ABLIM3: variants seen among roughly 807,000 people sequenced by gnomAD.
ABLIM3 encodes actin binding LIM protein family member 3.
Under a neutral mutation model 109.5 loss-of-function variants are expected in ABLIM3, and 61 were observed. The ratio of observed to expected loss-of-function variants is 0.56; its 90% CI spans 0.45 to 0.69. The LOEUF (loss-of-function observed/expected upper bound fraction) is 0.69. Ranked by LOEUF, ABLIM3 falls within the 30% of genes least tolerant of loss-of-function variation. ABLIM3 has a pLI of 0.00. For synonymous variants in ABLIM3, 300 were observed against 324.8 expected, an observed-to-expected ratio of 0.92 and a Z score of 0.82; for missense variants, 796 against 889.5, an observed-to-expected ratio of 0.89 and a Z score of 1.34.
rs2127561789 is a variant in ABLIM3 at position 149,242,552 on chromosome 5, T to C, written c.1351+14T>C. 1 of 1,613,754 alleles carries C rather than the reference T, an allele frequency of 6.2e-7. No individual in the cohort carries two copies. Among genetic ancestry groups the C allele is most frequent in the South Asian group, 1.1e-5 (1 of 91,068 alleles). Reference sequence around the variant, plus strand: ...ACAAACGGCATGGTATGGTCAGAGGTAGATAGGGCTTGGCCACACAAGGAG... The same window carrying C: ...ACAAACGGCATGGTATGGTCAGAGGCAGATAGGGCTTGGCCACACAAGGAG... On this transcript the variant is annotated intron_variant, in intron 15 of 23. Transcript: ENST00000309868.
intron 7 of ABLIM3, 118 bp downstream of exon 7, chr5:149,210,937 C>T (rs1759487701): frequency 1.1e-6 from 1 of 910,410 alleles, no homozygotes; most frequent in Admixed American, 1.8e-5. Context: ...TTACCTCCTC[C>T]ACCTTTGCTT....
intron 2 of ABLIM3, among the ~76,000 whole-genome samples, chr5:149,167,057 C>G (rs942142320): frequency 6.6e-6 from 1 of 152,180 alleles, no homozygotes; most frequent in African/African-American, 2.4e-5. Flanking sequence ...AAGCAACTTG[C>G]TCTGATTCCT....
chr5:149,233,750 C>T (rs182852958), intron 10 of ABLIM3, among the ~76,000 whole-genome samples: 1 of 152,160 alleles, frequency 6.6e-6, no homozygotes, highest in South Asian at 2.1e-4. Context: ...GCCACATACA[C>T]ATGTGGAAAC....
chr5:149,155,563 G>T (rs535004574), intron 2 of ABLIM3, among the ~76,000 whole-genome samples: 52 of 152,234 alleles, frequency 3.4e-4, no homozygotes, highest in African/African-American at 1.2e-3. Flanking sequence ...CATTCAATCT[G>T]GTCCTTGGGG....
At chr5:149,239,343 C>T in intron 12 of ABLIM3, 66 bp downstream of exon 12, 3 of 1,544,322 alleles carry the variant, frequency 1.9e-6, no homozygotes, top group Non-Finnish European at 1.8e-6. Flanking sequence ...CTTCACCCAT[C>T]CCCAGCCCCC....
intron 7 of ABLIM3, among the ~76,000 whole-genome samples, chr5:149,213,492 A>C (rs1212823859): frequency 6.6e-6 from 1 of 152,222 alleles, no homozygotes; most frequent in Non-Finnish European, 1.5e-5. Context: ...CACCTTCAGA[A>C]GAGTCGTTTG....
intron 8 of ABLIM3, among the ~76,000 whole-genome samples, chr5:149,225,395 A>T (rs969617484): frequency 6.6e-6 from 1 of 152,164 alleles, no homozygotes; most frequent in African/African-American, 2.4e-5. Context: ...GCTCTTACAG[A>T]TGGAACCATA....
At chr5:149,222,930 C>T (rs567862478) in intron 8 of ABLIM3, among the ~76,000 whole-genome samples, 3 of 152,288 alleles carry the variant, frequency 2.0e-5, no homozygotes, top group Non-Finnish European at 2.9e-5. Flanking sequence ...AATTGGATCT[C>T]TCTACTGACA....
At chr5:149,152,499 T>G (rs1026300971) in intron 2 of ABLIM3, among the ~76,000 whole-genome samples, 2 of 152,164 alleles carry the variant, frequency 1.3e-5, no homozygotes, top group African/African-American at 4.8e-5. Flanking sequence ...TGATGTCATA[T>G]CCTGTTGGAT....
chr5:149,205,886 C>T (rs922399312), intron 5 of ABLIM3, among the ~76,000 whole-genome samples: 5 of 152,176 alleles, frequency 3.3e-5, no homozygotes, highest in African/African-American at 1.2e-4. Flanking sequence ...GACCCACCAC[C>T]CTTCCTAGAT....
chr5:149,151,900 A>G (rs1198822847), intron 2 of ABLIM3, among the ~76,000 whole-genome samples: 2 of 152,256 alleles, frequency 1.3e-5, no homozygotes, highest in African/African-American at 4.8e-5. Flanking sequence ...CACTAAGCAT[A>G]ATGCTGGAGA....
intron 3 of ABLIM3, among the ~76,000 whole-genome samples, chr5:149,191,417 T>C (rs567674721): frequency 2.6e-5 from 4 of 152,320 alleles, no homozygotes; most frequent in African/African-American, 4.8e-5. Context: ...ATCCAAGATA[T>C]TGAATTTGTG....
chr5:149,174,755 C>G (rs1755770633), intron 2 of ABLIM3: 1 of 152,104 alleles, frequency 6.6e-6, no homozygotes, highest in Non-Finnish European at 1.5e-5. Context: ...GAAATTGAGC[C>G]CCTTCTAGAC....
At chr5:149,202,111 G>T (rs1307060163) in intron 5 of ABLIM3, among the ~76,000 whole-genome samples, 1 of 152,204 alleles carries the variant, frequency 6.6e-6, no homozygotes, top group Non-Finnish European at 1.5e-5. Context: ...AGACTCCTGG[G>T]TCGGTTGTTA....
intron 7 of ABLIM3, among the ~76,000 whole-genome samples, chr5:149,214,331 G>C (rs1759840749): frequency 6.6e-6 from 1 of 152,188 alleles, no homozygotes; most frequent in Admixed American, 6.5e-5. Context: ...TTCTCAGGAG[G>C]GCGTTCTTGG....
chr5:149,192,255 T>C (rs1038364101), intron 3 of ABLIM3, among the ~76,000 whole-genome samples: 1 of 151,900 alleles, frequency 6.6e-6, no homozygotes, highest in Admixed American at 6.6e-5. Flanking sequence ...TATAATTGTC[T>C]GCATAGAAAA....
chr5:149,196,768 G>C (rs574283192), intron 3 of ABLIM3, among the ~76,000 whole-genome samples: 1 of 152,250 alleles, frequency 6.6e-6, no homozygotes, highest in South Asian at 2.1e-4. Flanking sequence ...TTATTGCCTT[G>C]GAAGAAATTT....
chr5:149,159,308 G>A (rs923709373), intron 2 of ABLIM3, among the ~76,000 whole-genome samples: 1 of 152,176 alleles, frequency 6.6e-6, no homozygotes, highest in African/African-American at 2.4e-5. Flanking sequence ...CATTTATATG[G>A]AATTCAAGAA....
chr5:149,166,475 T>C (rs1754841143), intron 2 of ABLIM3, among the ~76,000 whole-genome samples: 1 of 152,222 alleles, frequency 6.6e-6, no homozygotes, highest in Non-Finnish European at 1.5e-5. Context: ...TTCCATCCTC[T>C]TCAGCATTCC....
Sources: allele counts gnomAD v4.1 joint callset (sites outside exome capture counted in the v4.1 genomes callset), GRCh38; gene constraint gnomAD v4.1.1; transcripts MANE v1.5; gene names NCBI Gene and HGNC (gene_info 2026-07-23, HGNC 2026-07-21).